The following DONSON variants were observed in gnomAD, a reference collection of about 807,000 sequenced individuals.
DONSON encodes the protein protein downstream neighbor of Son.
DONSON carries 43 observed loss-of-function variants against 62.1 expected under a neutral mutation model. The observed-to-expected ratio is 0.69, with a 90% CI of 0.54 to 0.89. The LOEUF (loss-of-function observed/expected upper bound fraction) is 0.89. Ranked by LOEUF, DONSON falls within the 40% of genes least tolerant of loss-of-function variation. The pLI is 0.00. For missense variants in DONSON, 696 were observed against 697.5 expected, an observed-to-expected ratio of 1.00 and a Z score of 0.03; for synonymous variants, 266 against 264.6, an observed-to-expected ratio of 1.01 and a Z score of -0.05.
At chr21:33,587,044 T>C (rs894142350) in intron 2 of DONSON, among the ~76,000 whole-genome samples, 2 of 152,202 alleles carry the variant, frequency 1.3e-5, no homozygotes, top group Admixed American at 6.5e-5. Flanking sequence ...CTTGGAGAAC[T>C]CTTCTAGCCT....
Position 33,577,660 on chromosome 21 carries a change from C to CCCCCCTATA in DONSON, c.*646_*647insTATAGGGGG, listed in dbSNP as rs2086441410. ...ACACACACACACACACACACACACA[C>CCCCCCTATA]ACACACACACACACACACACACACA... On this transcript the variant is annotated 3_prime_UTR_variant, in exon 10 of 10. Transcript: ENST00000303071. 1 of 109,930 alleles carries CCCCCCTATA rather than the reference C, an allele frequency of 9.1e-6. No homozygotes were observed. The highest frequency in any genetic ancestry group is 8.5e-5 in the Admixed American group (1 of 11,702). 6.8% of individuals were successfully genotyped at this position (109,930 alleles called of 1,614,324 possible). A position where few individuals can be genotyped will look rare whatever the true frequency, so the allele number is the denominator to read the frequency against.
intron 4 of DONSON, among the ~76,000 whole-genome samples, chr21:33,584,044 ATACTT>A (rs1159737357): frequency 3.0e-5 from 3 of 101,376 alleles, no homozygotes; most frequent in African/African-American, 1.2e-4. Context: ...ATATATATAT[ATACTT>A]TTTTTTTTTT....
intron 8 of DONSON, among the ~76,000 whole-genome samples, chr21:33,580,863 G>C (rs1391103851): frequency 1.3e-5 from 2 of 151,792 alleles, no homozygotes; most frequent in Non-Finnish European, 2.9e-5. Flanking sequence ...GCCGGTGACA[G>C]AGTGGGACTC....
chr21:33,588,045 G>T (rs951705921), intron 1 of DONSON, among the ~76,000 whole-genome samples: 3 of 152,142 alleles, frequency 2.0e-5, no homozygotes, highest in Non-Finnish European at 4.4e-5. Context: ...CCTCTCCAAG[G>T]GGCTCCTCGC....
rs1286572542 is a variant in DONSON, at chr21:33,584,041, TATATAC to T, written c.786-381_786-376del. Among the ~76,000 whole-genome samples, 190 of 124,208 alleles carry T rather than the reference TATATAC, an allele frequency of 1.5e-3. 1 individual carries two copies. The highest frequency in any genetic ancestry group is 5.6e-3 in the African/African-American group (184 of 32,828). 81.5% of individuals were successfully genotyped at this position (124,208 alleles called of 152,430 possible). The stretch of plus-strand genomic sequence containing the variant: ...ATATATATATATATATATATATATA[TATATAC>T]TTTTTTTTTTTTTTTGAGACGGAGT... On this transcript the variant is annotated intron_variant, in intron 4 of 9. Transcript: ENST00000303071.
chr21:33,586,202 A>G (rs766100630), intron 2 of DONSON, 21 bp from the exon 3 acceptor site: 1 of 1,607,624 alleles, frequency 6.2e-7, no homozygotes, highest in South Asian at 1.1e-5. Context: ...CAAAGAATGC[A>G]AAAATTAGTC....
rs2086516557 is a variant in DONSON at position 33,581,970 on chromosome 21, C to T, written c.1132G>A (p.Asp378Asn). 6.2e-7 allele frequency: 1 copy of T among 1,614,112 alleles called. No individual in the cohort carries two copies. Among genetic ancestry groups the T allele is most frequent in the East Asian group, 2.2e-5 (1 of 44,868 alleles). ...MGVQDKIKKP[D>N]ILSIKLRKEK... ...GGATACAGCTTGATAGAAAGTATGT[C>T]TGGCTTTTTAATTTTATCTTGCACA... Residue 378 changes from aspartate (D) to asparagine (N), a missense_variant, in exon 7 of 10, where the codon GAC becomes AAC. Coordinates refer to ENST00000303071, the MANE Select transcript of DONSON (RefSeq NM_017613.4).
In DONSON at chr21:33,579,519, CTG is replaced by C. The variant is rs1313728702; in HGVS notation, c.1392_1393del (p.Tyr464Ter). The C allele has an allele frequency of 1.9e-6, 3 of 1,614,080 alleles. No homozygotes were observed. Among genetic ancestry groups the C allele is most frequent in the African/African-American group, 1.3e-5 (1 of 74,938 alleles). On this transcript the variant is annotated stop_gained and frameshift_variant, in exon 9 of 10. Transcript: ENST00000303071. LOFTEE classifies it high-confidence loss of function. ...TGTAATCTCCAAACTAAATTGGTCTCTGTATCCAGAAAGAGCTTGTGTCTTCA... is the reference window on the plus strand; with the variant it reads ...TGTAATCTCCAAACTAAATTGGTCTCTATCCAGAAAGAGCTTGTGTCTTCA...
rs138335198 is a variant in DONSON at position 33,581,312 on chromosome 21, T to C, written c.1340A>G (p.Gln447Arg). ...GCAGACTTTTATTACCTTAAGCATT[T>C]GCATTGTGGCACCTCGGAAAGCAAC... ...SPVAFRGATM[Q>R]MLKARSVNVK... Residue 447 changes from glutamine (Q) to arginine (R), a missense_variant, in exon 8 of 10, where the codon CAA (glutamine) becomes CGA (arginine). Transcript: ENST00000303071. 564 of 1,613,994 alleles carry C rather than the reference T, an allele frequency of 3.5e-4. No individual in the cohort carries two copies. Among genetic ancestry groups the C allele is most frequent in the Non-Finnish European group, 4.6e-4 (540 of 1,180,010 alleles).
chr21:33,587,733 C>G (rs1402444124), intron 1 of DONSON, 131 bp from the exon 2 acceptor site: 2 of 590,980 alleles, frequency 3.4e-6, no homozygotes, highest in Non-Finnish European at 5.9e-6. Context: ...GCACCCCATC[C>G]AATCTATGAG....
chr21:33,583,383 T>C (rs1039737793), intron 5 of DONSON, 105 bp downstream of exon 5: 2 of 861,768 alleles, frequency 2.3e-6, no homozygotes, highest in African/African-American at 3.4e-5. Context: ...TATTTCTTAA[T>C]GTTGCTAATC....
intron 2 of DONSON, 43 bp downstream of exon 2, chr21:33,587,479 G>T (rs780275527): frequency 2.0e-6 from 3 of 1,518,342 alleles, no homozygotes; most frequent in Admixed American, 2.4e-5. Context: ...TGAAAAAAAA[G>T]TTTATACAAA....
intron 8 of DONSON, among the ~76,000 whole-genome samples, chr21:33,580,506 C>CAAAAAAAA (rs1193935319): frequency 2.1e-5 from 1 of 47,656 alleles, no homozygotes; most frequent in East Asian, 8.0e-4. Context: ...AAAAAAAAAG[C>CAAAAAAAA]AGGGCATGGC....
rs552034893 is a variant in DONSON, at chr21:33,583,200, C to CAA, written c.964+286_964+287dup. Among the ~76,000 whole-genome samples, 94 of 58,904 alleles carry CAA rather than the reference C, an allele frequency of 1.6e-3. 3 individuals are homozygous for CAA. Among genetic ancestry groups the CAA allele is most frequent in the South Asian group, 3.1e-3 (5 of 1,598 alleles). 38.6% of individuals were successfully genotyped at this position (58,904 alleles called of 152,430 possible). On this transcript the variant is annotated intron_variant, in intron 5 of 9. Coordinates refer to ENST00000303071, the MANE Select transcript of DONSON (RefSeq NM_017613.4). ...TGGGTGACAGAGCGAGTCTCCATCT[C>CAA]AAAAAAAAAAAAAAAAAAAAAAAAA...
At position 33,585,670 on chromosome 21, in the gene DONSON, C is replaced by T. The variant is rs184890153; in HGVS notation, c.606+308G>A. On this transcript the variant is annotated intron_variant, in intron 3 of 9. Transcript: ENST00000303071. Reference sequence around the variant, plus strand: ...TGCAATCCCACCCAATTGCTTTTCACTTCTTTCTTTGTATTTTCTTTCTCA... The same window carrying T: ...TGCAATCCCACCCAATTGCTTTTCATTTCTTTCTTTGTATTTTCTTTCTCA... Among the ~76,000 whole-genome samples the T allele has an allele frequency of 1.5e-4, 23 of 152,000 alleles. No individual in the cohort carries two copies. The East Asian group carries it at 4.4e-3, about 29-fold the overall frequency.
At position 33,577,648 on chromosome 21, in the gene DONSON, CACACACACACACACACACACA is replaced by C. The variant is rs2086439262; in HGVS notation, c.*638_*658del. ...ACACACACACACACACACACACACA[CACACACACACACACACACACA>C]CACACACACACACACACACACACAC... On this transcript the variant is annotated 3_prime_UTR_variant, in exon 10 of 10. Transcript: ENST00000303071. The C allele has an allele frequency of 1.2e-5, 1 of 83,304 alleles. No homozygotes were observed. The highest frequency in any genetic ancestry group is 2.7e-5 in the Non-Finnish European group (1 of 37,724). 5.2% of individuals were successfully genotyped at this position (83,304 alleles called of 1,614,324 possible). A position where few individuals can be genotyped will look rare whatever the true frequency, so the allele number is the denominator to read the frequency against.
rs62227710 is a variant in DONSON, at chr21:33,581,864, A to G, written c.1151+87T>C. 0.27 allele frequency: 314,843 copies of G among 1,163,334 alleles called. 44,218 individuals are homozygous for G. Among genetic ancestry groups the G allele is most frequent in the Non-Finnish European group, 0.29 (227,627 of 791,578 alleles). The allele number at this position is 1,163,334 out of a possible 1,614,324, so 72.1% of individuals were successfully genotyped here. On this transcript the variant is annotated intron_variant, in intron 7 of 9. Transcript: ENST00000303071. ...TATGACCTGAAGATAATTTAAGATT[A>G]TAATCATATAAAACTGCCAATGTTA...
At chr21:33,582,923 CG>C (rs2086529788) in intron 5 of DONSON, among the ~76,000 whole-genome samples, 1 of 152,082 alleles carries the variant, frequency 6.6e-6, no homozygotes, top group African/African-American at 2.4e-5. Flanking sequence ...TGATCTTGTC[CG>C]GGCGCGGTGG....
chr21:33,587,378 T>A lies in DONSON; in HGVS notation c.402+144A>T, dbSNP rs530856531. 1,378 of 1,383,490 alleles carry A rather than the reference T, an allele frequency of 1.0e-3. 2 individuals carry two copies. The highest frequency in any genetic ancestry group is 4.1e-3 in the Middle Eastern group (15 of 3,670). 85.7% of individuals were successfully genotyped at this position (1,383,490 alleles called of 1,614,324 possible). ...CTGATGCGGTATTTTCATCCCTGGT[T>A]GAGATGATCAAGCCTCTCTGTAAAA... On this transcript the variant is annotated intron_variant, in intron 2 of 9. Transcript: ENST00000303071.
Sources: allele counts gnomAD v4.1 joint callset (sites outside exome capture counted in the v4.1 genomes callset), GRCh38; gene constraint gnomAD v4.1.1; transcripts MANE v1.5; gene names NCBI Gene and HGNC (gene_info 2026-07-23, HGNC 2026-07-21).